Variants in CDKAL1 observed in about 807,000 individuals in gnomAD.
The protein encoded by CDKAL1 is threonylcarbamoyladenosine tRNA methylthiotransferase.
Under a neutral mutation model 68.2 loss-of-function variants are expected in CDKAL1, and 32 were observed. That is an observed-to-expected ratio of 0.47 (90% CI 0.35 to 0.63). The LOEUF is 0.63. Ranked by LOEUF, CDKAL1 falls within the 30% of genes least tolerant of loss-of-function variation. The pLI is 0.00. For missense variants in CDKAL1, 606 were observed against 696.7 expected (o/e 0.87, Z 1.47); for synonymous variants, 234 against 244.3 (o/e 0.96, Z 0.39).
intron 10 of CDKAL1, among the ~76,000 whole-genome samples, chr6:20,991,546 A>G (rs1418433793): frequency 1.3e-5 from 2 of 151,704 alleles, no homozygotes; most frequent in Non-Finnish European, 2.9e-5. Flanking sequence ...CATCTCTACT[A>G]AAATACAAAA....
intron 11 of CDKAL1, among the ~76,000 whole-genome samples, chr6:21,003,371 T>TATATATATATAG: frequency 2.0e-5 from 1 of 49,304 alleles, no homozygotes; most frequent in South Asian, 6.2e-4. Context: ...TATATATATA[T>TATATATATATAG]ACACACACAC....
At chr6:20,597,734 A>G (rs921953522) in intron 4 of CDKAL1, among the ~76,000 whole-genome samples, 2 of 152,166 alleles carry the variant, frequency 1.3e-5, no homozygotes, top group Non-Finnish European at 1.5e-5. Context: ...TATTAATAGT[A>G]GTTGTAGTTC....
chr6:21,134,664 A>G (rs1775491498), intron 13 of CDKAL1, among the ~76,000 whole-genome samples: 1 of 152,148 alleles, frequency 6.6e-6, no homozygotes, highest in Non-Finnish European at 1.5e-5. Context: ...TTGTTGAGAA[A>G]TAAGTAAACT....
At chr6:20,698,671 C>T (rs73732741) in intron 5 of CDKAL1, among the ~76,000 whole-genome samples, 7,570 of 152,128 alleles carry the variant, frequency 0.05, 617 homozygotes, top group African/African-American at 0.17. Context: ...CCATTCTCAT[C>T]ACAGCATATC....
intron 5 of CDKAL1, among the ~76,000 whole-genome samples, chr6:20,730,464 AAAG>A (rs570310158): frequency 2.3e-3 from 354 of 151,224 alleles, no homozygotes; most frequent in Non-Finnish European, 4.3e-3. Flanking sequence ...AAAGGAAAGA[AAAG>A]AAAGAAGGAA....
At chr6:21,113,302 T>A (rs1007026866) in intron 13 of CDKAL1, among the ~76,000 whole-genome samples, 11 of 152,156 alleles carry the variant, frequency 7.2e-5, no homozygotes, top group Non-Finnish European at 1.6e-4. Flanking sequence ...GAACTGCTGC[T>A]TCTTAATAAG....
At chr6:21,054,451 C>T (rs6456392) in intron 11 of CDKAL1, among the ~76,000 whole-genome samples, 27,682 of 151,942 alleles carry the variant, frequency 0.18, 2,634 homozygotes, top group Middle Eastern at 0.24. Context: ...TGTATTTCCG[C>T]ATACATTTTA....
chr6:20,984,433 A>C (rs1192399887), intron 10 of CDKAL1, among the ~76,000 whole-genome samples: 1 of 152,144 alleles, frequency 6.6e-6, no homozygotes, highest in African/African-American at 2.4e-5. Flanking sequence ...GAGACCCCTG[A>C]AGCCCCAGAA....
At position 20,720,642 on chromosome 6, in the gene CDKAL1, G is replaced by A. The variant is rs558019947; in HGVS notation, c.372-18877G>A. 2.0e-5 allele frequency among the ~76,000 whole-genome samples: 3 copies of A among 152,254 alleles called. No individual in the cohort carries two copies. In the East Asian group the frequency reaches 5.8e-4, roughly 29 times the overall value. The stretch of plus-strand genomic sequence containing the variant: ...CTGCCTCAGCCTCCCTATGATTACA[G>A]GCATACGCCACCAGGCCTGGCTAAT... On this transcript the variant is annotated intron_variant, in intron 5 of 15. Coordinates refer to ENST00000274695, the MANE Select transcript of CDKAL1 (RefSeq NM_017774.3).
intron 5 of CDKAL1, among the ~76,000 whole-genome samples, chr6:20,680,796 A>C (rs746144754): frequency 6.6e-6 from 1 of 152,224 alleles, no homozygotes; most frequent in Non-Finnish European, 1.5e-5. Context: ...GTCTTAAGAA[A>C]TATTGAAAAA....
chr6:20,904,134 T>G (rs6908429), intron 9 of CDKAL1, among the ~76,000 whole-genome samples: 4,056 of 152,298 alleles, frequency 0.027, 178 homozygotes, highest in African/African-American at 0.088. Flanking sequence ...TTGCTGCTTT[T>G]GATCAAGAGC....
chr6:21,110,928 C>G (rs1774088947), intron 13 of CDKAL1, among the ~76,000 whole-genome samples: 1 of 152,140 alleles, frequency 6.6e-6, no homozygotes, highest in South Asian at 2.1e-4. Flanking sequence ...ATGACTGCAC[C>G]ATTTTACTTC....
intron 8 of CDKAL1, among the ~76,000 whole-genome samples, chr6:20,810,405 C>G (rs1398437784): frequency 1.8e-5 from 1 of 56,886 alleles, no homozygotes; most frequent in East Asian, 4.6e-4. Context: ...CACACACACA[C>G]ACACACACAC....
At chr6:20,914,615 T>C (rs1762638152) in intron 9 of CDKAL1, among the ~76,000 whole-genome samples, 1 of 152,248 alleles carries the variant, frequency 6.6e-6, no homozygotes, top group African/African-American at 2.4e-5. Context: ...GTTTTTGAAT[T>C]TGTGAATGTC....
In CDKAL1 at chr6:20,962,200, T is replaced by C. The variant is rs74808862; in HGVS notation, c.909+6615T>C. On this transcript the variant is annotated intron_variant, in intron 10 of 15. Transcript: ENST00000274695. ...ACATTGACACTAACATTCACATTGATATTATGCTACATTTTATTTAGCTTG... is the reference window on the plus strand; with the variant it reads ...ACATTGACACTAACATTCACATTGACATTATGCTACATTTTATTTAGCTTG... Among the ~76,000 whole-genome samples the C allele has an allele frequency of 4.6e-3, 706 of 152,368 alleles. 7 individuals carry two copies. The highest frequency in any genetic ancestry group is 6.8e-3 in the Non-Finnish European group (460 of 68,034).
intron 8 of CDKAL1, chr6:20,799,746 A>G (rs943369248): frequency 2.0e-5 from 3 of 152,226 alleles, no homozygotes; most frequent in Non-Finnish European, 4.4e-5. Context: ...TTGGCTTACC[A>G]GTAAGCTGAT....
At chr6:20,862,163 A>G (rs769358763) in intron 9 of CDKAL1, among the ~76,000 whole-genome samples, 3 of 152,224 alleles carry the variant, frequency 2.0e-5, no homozygotes, top group Admixed American at 6.5e-5. Flanking sequence ...TTTAACAATT[A>G]CTGGCATATC....
chr6:21,118,158 A>C (rs1774512693), intron 13 of CDKAL1, among the ~76,000 whole-genome samples: 1 of 152,204 alleles, frequency 6.6e-6, no homozygotes, highest in Non-Finnish European at 1.5e-5. Context: ...TTTATCATAA[A>C]ATATAATTAA....
intron 5 of CDKAL1, among the ~76,000 whole-genome samples, chr6:20,665,024 A>C (rs1040826624): frequency 6.6e-6 from 1 of 152,028 alleles, no homozygotes; most frequent in South Asian, 2.1e-4. Context: ...GCACATATGC[A>C]GCTGAGACTC....
Sources: allele counts gnomAD v4.1 joint callset (sites outside exome capture counted in the v4.1 genomes callset), GRCh38; gene constraint gnomAD v4.1.1; transcripts MANE v1.5; gene names NCBI Gene and HGNC (gene_info 2026-07-23, HGNC 2026-07-21).